ABI3BP: variants seen among roughly 807,000 people sequenced by gnomAD.
ABI3BP encodes the protein ABI family member 3 binding protein.
ABI3BP carries 216 observed loss-of-function variants against 268.6 expected under a neutral mutation model. That is an observed-to-expected ratio of 0.80 (90% CI 0.72 to 0.90). The LOEUF is 0.90. Ranked by LOEUF, ABI3BP falls within the 40% of genes least tolerant of loss-of-function variation. ABI3BP has a pLI of 0.00. For missense variants in ABI3BP, 2,090 were observed against 2,182.4 expected (o/e 0.96, Z 0.84); for synonymous variants, 730 against 730.0 (o/e 1.00, Z 0.00).
intron 1 of ABI3BP, among the ~76,000 whole-genome samples, chr3:100,989,674 A>G (rs140467041): frequency 1.6e-3 from 240 of 152,288 alleles, no homozygotes; most frequent in African/African-American, 5.4e-3. Flanking sequence ...CCTTTGGGCT[A>G]ATTACAATCT....
At chr3:100,834,942 C>T (rs1433617897) in intron 28 of ABI3BP, among the ~76,000 whole-genome samples, 169 bp from the exon 29 acceptor site, 1 of 152,078 alleles carries the variant, frequency 6.6e-6, no homozygotes, top group Non-Finnish European at 1.5e-5. Context: ...TTTTGGTCTA[C>T]TGACAGGTCT....
rs79695953 is a variant in ABI3BP at position 100,802,543 on chromosome 3, A to G, written c.3757+2249T>C. Reference sequence around the variant, plus strand: ...CCGATTTGTCAAGATTCCTCATTAAATGTAATAGATAATTCAACTGAGTGG... The same window carrying G: ...CCGATTTGTCAAGATTCCTCATTAAGTGTAATAGATAATTCAACTGAGTGG... On this transcript the variant is annotated intron_variant, in intron 51 of 67. Coordinates refer to ENST00000471714, the MANE Select transcript of ABI3BP (RefSeq NM_001375547.2). 5.2e-3 allele frequency among the ~76,000 whole-genome samples: 796 copies of G among 152,292 alleles called. 7 individuals are homozygous for G. The highest frequency in any genetic ancestry group is 9.0e-3 in the Non-Finnish European group (610 of 68,012).
chr3:100,874,316 C>G (rs1380087114), intron 9 of ABI3BP, among the ~76,000 whole-genome samples: 1 of 152,158 alleles, frequency 6.6e-6, no homozygotes, highest in East Asian at 1.9e-4. Context: ...ATGCAGCAAC[C>G]AACTCAGCCC....
chr3:100,864,744 A>T, intron 11 of ABI3BP, 89 bp downstream of exon 11: 2 of 933,398 alleles, frequency 2.1e-6, no homozygotes, highest in Non-Finnish European at 3.2e-6. Context: ...GAGAGAAGTT[A>T]AGGCACCAGG....
chr3:100,795,857 C>T lies in ABI3BP; in HGVS notation c.3818-6G>A. 7.8e-7 allele frequency: 1 copy of T among 1,284,210 alleles called. No individual in the cohort carries two copies. The highest frequency in any genetic ancestry group is 1.0e-6 in the Non-Finnish European group (1 of 987,126). The allele number at this position is 1,284,210 out of a possible 1,614,324, so 79.6% of individuals were successfully genotyped here. A position where few individuals can be genotyped will look rare whatever the true frequency, so the allele number is the denominator to read the frequency against. ...AAAGGTAACAGGCTGCAGAACTATGCCAAAAGCAAGCCAAAGGAACATATT... is the reference window on the plus strand; with the variant it reads ...AAAGGTAACAGGCTGCAGAACTATGTCAAAAGCAAGCCAAAGGAACATATT... On this transcript the variant is annotated splice_polypyrimidine_tract_variant and splice_region_variant and intron_variant, in intron 52 of 67. Coordinates refer to ENST00000471714, the MANE Select transcript of ABI3BP (RefSeq NM_001375547.2).
chr3:100,813,717 G>A lies in ABI3BP; in HGVS notation c.3308C>T (p.Thr1103Ile). The change falls in exon 45 of 68, where the codon ACT (threonine) becomes ATT (isoleucine). Residue 1103 changes from threonine to isoleucine, a missense_variant. Physicochemically the swap from Thr to Ile is moderately conservative, Grantham distance 89. Transcript: ENST00000471714. ...TGATGTCACTGGTTTCAAAATAAGA[G>A]TTTGCAGTTCAGTCAGAGCTGAAAG... The part of the protein sequence containing the change: ...GTTFALTELQ[T>I]LILKPVTSPS... The A allele has an allele frequency of 3.3e-6, 5 of 1,535,314 alleles. No individual in the cohort carries two copies. The highest frequency in any genetic ancestry group is 4.4e-6 in the Non-Finnish European group (5 of 1,146,380).
chr3:100,986,558 C>A (rs969755614), intron 1 of ABI3BP, among the ~76,000 whole-genome samples: 10 of 152,188 alleles, frequency 6.6e-5, no homozygotes, highest in African/African-American at 2.4e-4. Context: ...CCTCCGCCTC[C>A]TGGGCTCAAG....
chr3:100,974,151 A>G (rs1380081280), intron 1 of ABI3BP, among the ~76,000 whole-genome samples: 2 of 152,212 alleles, frequency 1.3e-5, no homozygotes, highest in Non-Finnish European at 2.9e-5. Flanking sequence ...TGAAATCTTC[A>G]TACCTTGCTA....
At chr3:100,897,137 C>A (rs966830252) in intron 4 of ABI3BP, among the ~76,000 whole-genome samples, 3 of 151,976 alleles carry the variant, frequency 2.0e-5, no homozygotes, top group Non-Finnish European at 4.4e-5. Flanking sequence ...AAATACATAT[C>A]AAAACTGTAA....
Position 100,823,514 on chromosome 3 carries a change from A to G in ABI3BP, c.2747T>C (p.Val916Ala). 6.5e-7 allele frequency: 1 copy of G among 1,530,214 alleles called. No individual in the cohort carries two copies. Among genetic ancestry groups the G allele is most frequent in the Middle Eastern group, 1.7e-4 (1 of 5,968 alleles). The allele number at this position is 1,530,214 out of a possible 1,614,324, so 94.8% of individuals were successfully genotyped here. ...PSPQAPETKP[V>A]PATVLEPVTL... ...GACAGGTTCTAGGACTGTAGCAGGA[A>G]CTGACCAAAACAACATGTAAATCAA... The change falls in exon 37 of 68, where the codon GTT becomes GCT. Residue 916 changes from valine to alanine, a missense_variant and splice_region_variant. Val to Ala is a moderately conservative substitution (Grantham distance 64). Coordinates refer to ENST00000471714, the MANE Select transcript of ABI3BP (RefSeq NM_001375547.2).
intron 14 of ABI3BP, among the ~76,000 whole-genome samples, chr3:100,859,941 A>G (rs1306633111): frequency 2.0e-5 from 3 of 152,124 alleles, no homozygotes; most frequent in African/African-American, 2.4e-5. Context: ...GCATGGTGGC[A>G]GGTGCCTGTA....
chr3:100,874,408 T>A (rs942037452), intron 9 of ABI3BP, among the ~76,000 whole-genome samples: 2 of 152,190 alleles, frequency 1.3e-5, no homozygotes, highest in Non-Finnish European at 2.9e-5. Context: ...TTATGTTTTT[T>A]AAACACTGAA....
intron 1 of ABI3BP, among the ~76,000 whole-genome samples, chr3:100,975,731 C>T (rs2085847143): frequency 6.6e-6 from 1 of 152,066 alleles, no homozygotes. Context: ...GTCCAACTTG[C>T]CTTGAATCTG....
chr3:100,761,145 G>A (rs1467341370), intron 63 of ABI3BP, among the ~76,000 whole-genome samples: 1 of 152,186 alleles, frequency 6.6e-6, no homozygotes, highest in Non-Finnish European at 1.5e-5. Context: ...TCTGTTAGAA[G>A]AGGACCTCTA....
chr3:100,881,203 G>A (rs1256523636), intron 6 of ABI3BP, among the ~76,000 whole-genome samples: 4 of 152,140 alleles, frequency 2.6e-5, no homozygotes, highest in Non-Finnish European at 5.9e-5. Context: ...GTCTGCTTGA[G>A]ACAAGGATTG....
rs147495742 is a variant in ABI3BP at position 100,895,651 on chromosome 3, T to C, written c.461+3111A>G. Among the ~76,000 whole-genome samples the C allele has an allele frequency of 4.2e-3, 643 of 152,306 alleles. 4 individuals are homozygous for C. The highest frequency in any genetic ancestry group is 0.014 in the African/African-American group (597 of 41,572). On this transcript the variant is annotated intron_variant, in intron 4 of 67. Coordinates refer to ENST00000471714, the MANE Select transcript of ABI3BP (RefSeq NM_001375547.2). ...CAAGCCAAGTGCATTCAGATTGCAA[T>C]GGTTTTGTAAAAAGATACTCCTGAA... is the stretch of plus-strand genomic sequence containing the variant.
intron 4 of ABI3BP, among the ~76,000 whole-genome samples, chr3:100,887,312 A>C (rs1162805073): frequency 6.6e-6 from 1 of 152,056 alleles, no homozygotes; most frequent in African/African-American, 2.4e-5. Context: ...TTTAGAAACA[A>C]AATATCAAAT....
intron 59 of ABI3BP, among the ~76,000 whole-genome samples, chr3:100,777,270 C>A (rs768026711): frequency 5.3e-5 from 8 of 152,120 alleles, no homozygotes; most frequent in African/African-American, 1.9e-4. Context: ...CAAAATATTT[C>A]GGAAGTAGTG....
intron 45 of ABI3BP, 103 bp downstream of exon 45, chr3:100,813,557 TA>T (rs1371145931): frequency 1.2e-6 from 1 of 851,620 alleles, no homozygotes; most frequent in Non-Finnish European, 1.8e-6. Context: ...GTTATTAATG[TA>T]TATTCCTTTT....
Sources: gnomAD v4.1 joint callset for allele counts (sites outside exome capture counted in the v4.1 genomes callset) on GRCh38, gnomAD v4.1.1 for gene constraint, MANE v1.5 for transcripts, NCBI Gene and HGNC (gene_info 2026-07-23, HGNC 2026-07-21) for gene names.